Variants in RORA observed in about 807,000 individuals in gnomAD.
The protein encoded by RORA is nuclear receptor ROR-alpha.
Under a neutral mutation model 69.5 loss-of-function variants are expected in RORA, and 7 were observed. The observed-to-expected ratio is 0.10, with a 90% confidence interval of 0.06 to 0.19. The LOEUF is 0.19. Ranked by LOEUF, RORA falls within the 10% of genes least tolerant of loss-of-function variation. The pLI, the probability that RORA is intolerant of heterozygous loss-of-function variation, is 1.00. For missense variants in RORA, 457 were observed against 663.0 expected, an observed-to-expected ratio of 0.69 and a Z score of 3.41; for synonymous variants, 261 against 240.8, an observed-to-expected ratio of 1.08 and a Z score of -0.78.
chr15:61,091,505 C>A (rs983193923), intron 1 of RORA, among the ~76,000 whole-genome samples: 10 of 152,206 alleles, frequency 6.6e-5, no homozygotes, highest in African/African-American at 2.2e-4. Context: ...CACACACTCC[C>A]ACTTCCCAGG....
intron 2 of RORA, among the ~76,000 whole-genome samples, chr15:60,607,939 A>G (rs1431407690): frequency 6.6e-6 from 1 of 152,236 alleles, no homozygotes; most frequent in Non-Finnish European, 1.5e-5. Context: ...TGCTTTATCC[A>G]TGCACACACA....
chr15:60,785,633 G>A (rs1048766467), intron 1 of RORA, among the ~76,000 whole-genome samples: 3 of 152,134 alleles, frequency 2.0e-5, no homozygotes, highest in South Asian at 2.1e-4. Flanking sequence ...GCTTCCTCAC[G>A]TTTCAGGGCT....
intron 2 of RORA, among the ~76,000 whole-genome samples, chr15:60,573,559 G>A (rs2067944244): frequency 6.6e-6 from 1 of 152,164 alleles, no homozygotes. Context: ...ACCTTCAGTA[G>A]AAAGAACAAC....
chr15:60,933,772 G>T (rs907376530), intron 1 of RORA, among the ~76,000 whole-genome samples: 4 of 152,290 alleles, frequency 2.6e-5, no homozygotes, highest in African/African-American at 9.6e-5. Flanking sequence ...CATACCAGAG[G>T]TGGCTGCACA....
At chr15:61,087,421 T>A (rs2078641347) in intron 1 of RORA, among the ~76,000 whole-genome samples, 1 of 152,200 alleles carries the variant, frequency 6.6e-6, no homozygotes, top group South Asian at 2.1e-4. Context: ...AAATGCAAAG[T>A]CATAATGCTT....
At chr15:61,197,435 C>G (rs1289249254) in intron 1 of RORA, among the ~76,000 whole-genome samples, 1 of 152,146 alleles carries the variant, frequency 6.6e-6, no homozygotes, top group East Asian at 1.9e-4. Context: ...ATGTGGCTCA[C>G]GAGGAGCCCA....
chr15:60,900,943 G>A (rs185499177), intron 1 of RORA, among the ~76,000 whole-genome samples: 4 of 152,132 alleles, frequency 2.6e-5, no homozygotes, highest in East Asian at 1.9e-4. Context: ...GATATAATAA[G>A]GTTACATGTA....
chr15:60,611,073 A>G (rs1052915160), intron 2 of RORA, among the ~76,000 whole-genome samples: 1 of 152,226 alleles, frequency 6.6e-6, no homozygotes, highest in African/African-American at 2.4e-5. Context: ...GGGAGAAAGA[A>G]CGTATTCTAA....
intron 1 of RORA, among the ~76,000 whole-genome samples, chr15:61,054,382 A>C (rs950275421): frequency 6.6e-6 from 1 of 152,092 alleles, no homozygotes. Flanking sequence ...GCACAGCTAT[A>C]CTCTTCTTCT....
At chr15:60,757,202 C>A (rs1360345458) in intron 1 of RORA, among the ~76,000 whole-genome samples, 1 of 152,136 alleles carries the variant, frequency 6.6e-6, no homozygotes, top group Non-Finnish European at 1.5e-5. Context: ...ACCATCTTTG[C>A]ACCTTCTCTA....
chr15:60,790,055 C>G (rs1196469792), intron 1 of RORA, among the ~76,000 whole-genome samples: 1 of 152,090 alleles, frequency 6.6e-6, no homozygotes. Flanking sequence ...AACCTATGAC[C>G]CAAGAGAAAA....
At chr15:60,628,799 T>C (rs1447385403) in intron 2 of RORA, among the ~76,000 whole-genome samples, 1 of 152,168 alleles carries the variant, frequency 6.6e-6, no homozygotes, top group Non-Finnish European at 1.5e-5. Context: ...AAAGACGGTA[T>C]GCACCCAAAT....
chr15:61,098,197 C>T (rs1443615750), intron 1 of RORA, among the ~76,000 whole-genome samples: 2 of 140,778 alleles, frequency 1.4e-5, no homozygotes, highest in Non-Finnish European at 3.1e-5. Context: ...TCCCTGTCTC[C>T]TTCCTTCCTT....
At chr15:61,164,784 A>G (rs1313654499) in intron 1 of RORA, among the ~76,000 whole-genome samples, 1 of 152,220 alleles carries the variant, frequency 6.6e-6, no homozygotes, top group Non-Finnish European at 1.5e-5. Flanking sequence ...TGGAAGCTGA[A>G]AGACTGATTT....
chr15:61,082,232 T>C (rs61339106), intron 1 of RORA, among the ~76,000 whole-genome samples: 2,411 of 152,298 alleles, frequency 0.016, 80 homozygotes, highest in African/African-American at 0.055. Context: ...CTCACACCTG[T>C]AATCCCAGCA....
intron 2 of RORA, among the ~76,000 whole-genome samples, chr15:60,559,209 A>ATGC (rs2067462916): frequency 6.6e-6 from 1 of 152,182 alleles, no homozygotes; most frequent in Admixed American, 6.5e-5. Context: ...ATATGCTGTA[A>ATGC]TGCTCTGAAG....
chr15:61,065,347 C>CT (rs1294131558), intron 1 of RORA, among the ~76,000 whole-genome samples: 1 of 152,206 alleles, frequency 6.6e-6, no homozygotes, highest in African/African-American at 2.4e-5. Context: ...TCTTACTACT[C>CT]TAAGTTAAAC....
chr15:60,846,568 C>T (rs1341547642), intron 1 of RORA, among the ~76,000 whole-genome samples: 1 of 152,178 alleles, frequency 6.6e-6, no homozygotes. Context: ...TTGACTGAAG[C>T]GCTAAAGCAC....
At chr15:61,096,434 A>G (rs1336365436) in intron 1 of RORA, among the ~76,000 whole-genome samples, 1 of 152,228 alleles carries the variant, frequency 6.6e-6, no homozygotes, top group African/African-American at 2.4e-5. Flanking sequence ...ACTTACAGAC[A>G]TAGTAAAATT....
Sources: gnomAD v4.1 joint callset for allele counts (sites outside exome capture counted in the v4.1 genomes callset) on GRCh38, gnomAD v4.1.1 for gene constraint, MANE v1.5 for transcripts, NCBI Gene and HGNC (gene_info 2026-07-23, HGNC 2026-07-21) for gene names.